CWF19L2: variants seen among roughly 807,000 people sequenced by gnomAD.
CWF19L2 encodes CWF19 like cell cycle control factor 2.
A neutral mutation model predicts 111.7 loss-of-function variants in CWF19L2; 98 were observed. The ratio of observed to expected loss-of-function variants is 0.88; its 90% CI spans 0.75 to 1.04. CWF19L2 has a LOEUF of 1.04. Ranked by LOEUF, CWF19L2 falls within the 50% of genes least tolerant of loss-of-function variation. The pLI, the probability that CWF19L2 is intolerant of heterozygous loss-of-function variation, is 0.00. For missense variants in CWF19L2, 1,101 were observed against 1,051.4 expected (o/e 1.05, Z -0.65); for synonymous variants, 351 against 342.9 (o/e 1.02, Z -0.26).
rs1295813537 is a variant in CWF19L2, at chr11:107,329,961, T to C, written c.2498A>G (p.His833Arg). The stretch of plus-strand genomic sequence containing the variant: ...GAATTTGTGCTGATCTTCAATGACA[T>C]GGGCAAACCCTCCGTGAAGGCCAAA... ...VDFGLHGGFA[H>R]VIEDQHKFPH... is the part of the protein sequence containing the mutation. Residue 833 changes from histidine to arginine, a missense_variant, in exon 17 of 18, where the codon CAT (histidine) becomes CGT (arginine). Coordinates refer to ENST00000282251, the MANE Select transcript of CWF19L2 (RefSeq NM_152434.3). 1.2e-5 allele frequency: 19 copies of C among 1,592,842 alleles called. No individual in the cohort carries two copies. The Middle Eastern group carries it at 5.0e-4, about 42-fold the overall frequency.
chr11:107,372,042 G>A lies in CWF19L2; in HGVS notation c.1872+18032C>T, dbSNP rs1860518159. On this transcript the variant is annotated intron_variant, in intron 12 of 17. Coordinates refer to ENST00000282251, the MANE Select transcript of CWF19L2 (RefSeq NM_152434.3). ...CAATTTTGTATAATAGTGAAAAGGG[G>A]GTTTCTGGAATTCCATGCACTTGAC... Among the ~76,000 whole-genome samples the A allele has an allele frequency of 1.5e-5, 2 of 135,390 alleles. 1 individual carries two copies. Among genetic ancestry groups the A allele is most frequent in the African/African-American group, 5.9e-5 (2 of 33,624 alleles). The allele number at this position is 135,390 out of a possible 152,430, so 88.8% of individuals were successfully genotyped here. A position where few individuals can be genotyped will look rare whatever the true frequency, so the allele number is the denominator to read the frequency against.
intron 12 of CWF19L2, among the ~76,000 whole-genome samples, chr11:107,383,621 T>A (rs1314218397): frequency 6.6e-6 from 1 of 152,220 alleles, no homozygotes; most frequent in Non-Finnish European, 1.5e-5. Flanking sequence ...TGTCATGAGA[T>A]ACCTTTCTTG....
At position 107,456,570 on chromosome 11, in the gene CWF19L2, C is replaced by CT. The variant is rs907328918; in HGVS notation, c.106-795dup. Among the ~76,000 whole-genome samples, 55 of 145,246 alleles carry CT rather than the reference C, an allele frequency of 3.8e-4. No individual in the cohort carries two copies. In the South Asian group the frequency reaches 6.0e-3, roughly 16 times the overall value. On this transcript the variant is annotated intron_variant, in intron 1 of 17. Transcript: ENST00000282251. ...TTTAAAACCTGGCTGTAGTCATTTT[C>CT]TTTTTTTTTTTAATCAAATATAAAA...
At chr11:107,403,701 C>T (rs1480951853) in intron 10 of CWF19L2, 15 of 802,678 alleles carry the variant, frequency 1.9e-5, no homozygotes, top group African/African-American at 3.4e-5. Flanking sequence ...TGACTGCACT[C>T]GGCTTGCTCT....
chr11:107,392,888 T>C lies in CWF19L2; in HGVS notation c.1625A>G (p.Asp542Gly). The change falls in exon 11 of 18, where the codon GAC (aspartate) becomes GGC (glycine). Residue 542 changes from aspartate (D) to glycine (G), a missense_variant. By Grantham distance (94) the Asp-to-Gly change is moderately conservative. Coordinates refer to ENST00000282251, the MANE Select transcript of CWF19L2 (RefSeq NM_152434.3). ...TCTGACAAGGATTACTTCTTGCTGG[T>C]CTTCATTCTATAAAAAGATTTAGAG... ...IPKKSGVENE[D>G]QQEVILVRTD... 2 of 1,554,044 alleles carry C rather than the reference T, an allele frequency of 1.3e-6. 1 individual carries two copies. The highest frequency in any genetic ancestry group is 3.4e-4 in the Middle Eastern group (2 of 5,954).
At chr11:107,332,997 A>C (rs1287199768) in intron 16 of CWF19L2, among the ~76,000 whole-genome samples, 2 of 151,760 alleles carry the variant, frequency 1.3e-5, no homozygotes, top group Admixed American at 6.6e-5. Flanking sequence ...GCGCTCCTGT[A>C]TTCCCAGCTA....
intron 9 of CWF19L2, among the ~76,000 whole-genome samples, chr11:107,417,894 G>T (rs1861250120): frequency 6.6e-6 from 1 of 152,026 alleles, no homozygotes; most frequent in African/African-American, 2.4e-5. Flanking sequence ...CCGATAGCTG[G>T]AATTACAGGC....
At chr11:107,455,248 T>C (rs576013116) in intron 2 of CWF19L2, among the ~76,000 whole-genome samples, 21 of 152,076 alleles carry the variant, frequency 1.4e-4, no homozygotes, top group Non-Finnish European at 2.6e-4. Context: ...AATGTATACA[T>C]AGATCAAACC....
intron 13 of CWF19L2, among the ~76,000 whole-genome samples, chr11:107,350,545 T>G (rs528323341): frequency 6.6e-6 from 1 of 152,246 alleles, no homozygotes; most frequent in Non-Finnish European, 1.5e-5. Flanking sequence ...GACCTCACAC[T>G]GAATCTGCTA....
intron 12 of CWF19L2, among the ~76,000 whole-genome samples, chr11:107,354,002 G>A (rs917619870): frequency 6.6e-6 from 1 of 151,884 alleles, no homozygotes; most frequent in South Asian, 2.1e-4. Flanking sequence ...GGGACCATTA[G>A]CATTTTCATT....
chr11:107,406,296 T>C (rs1861076341), intron 10 of CWF19L2, among the ~76,000 whole-genome samples: 1 of 152,268 alleles, frequency 6.6e-6, no homozygotes, highest in Non-Finnish European at 1.5e-5. Context: ...TTGTTATCAC[T>C]GAATGCCATA....
At chr11:107,357,045 C>CAAAATAAAAACA (rs139519172) in intron 12 of CWF19L2, among the ~76,000 whole-genome samples, 2,044 of 151,046 alleles carry the variant, frequency 0.014, 37 homozygotes, top group African/African-American at 0.042. Flanking sequence ...TCTCAAACAA[C>CAAAATAAAAACA]AAAACAAAAA....
intron 14 of CWF19L2, among the ~76,000 whole-genome samples, chr11:107,347,427 TAAC>T (rs770098150): frequency 1.1e-4 from 17 of 151,976 alleles, no homozygotes; most frequent in African/African-American, 2.2e-4. Context: ...GAAAGTAAAA[TAAC>T]AACAACAACA....
chr11:107,413,887 G>A (rs1397585476), intron 10 of CWF19L2, among the ~76,000 whole-genome samples: 1 of 152,158 alleles, frequency 6.6e-6, no homozygotes, highest in Non-Finnish European at 1.5e-5. Context: ...TAATCTTTGA[G>A]AACAGACCTT....
chr11:107,420,856 C>T (rs1327250292), intron 8 of CWF19L2, among the ~76,000 whole-genome samples: 1 of 151,976 alleles, frequency 6.6e-6, no homozygotes, highest in Non-Finnish European at 1.5e-5. Flanking sequence ...ACTGAAACCT[C>T]AGAAAGCAAA....
intron 16 of CWF19L2, among the ~76,000 whole-genome samples, chr11:107,333,670 A>G (rs897117282): frequency 3.3e-5 from 5 of 152,174 alleles, no homozygotes; most frequent in African/African-American, 1.2e-4. Flanking sequence ...GAGAAGAGAA[A>G]ATGATTGTAG....
chr11:107,370,855 C>T (rs1384380676), intron 12 of CWF19L2, among the ~76,000 whole-genome samples: 2 of 137,882 alleles, frequency 1.5e-5, no homozygotes, highest in African/African-American at 5.8e-5. Flanking sequence ...TTCCTGTCAT[C>T]TGTGTTTTGT....
intron 8 of CWF19L2, 138 bp downstream of exon 8, chr11:107,428,661 C>A: frequency 1.4e-6 from 1 of 699,932 alleles, no homozygotes. Flanking sequence ...CCTGTTAAAT[C>A]TGCATATCTT....
intron 12 of CWF19L2, among the ~76,000 whole-genome samples, chr11:107,385,651 A>C (rs778645410): frequency 1.3e-5 from 2 of 152,258 alleles, no homozygotes; most frequent in Non-Finnish European, 2.9e-5. Context: ...CCTGCAGTCA[A>C]CTGTGGTTTG....
Sources: gnomAD v4.1 joint callset for allele counts (sites outside exome capture counted in the v4.1 genomes callset) on GRCh38, gnomAD v4.1.1 for gene constraint, MANE v1.5 for transcripts, NCBI Gene and HGNC (gene_info 2026-07-23, HGNC 2026-07-21) for gene names.